MTHFS: variants seen among roughly 807,000 people sequenced by gnomAD.
MTHFS encodes the protein 5-formyltetrahydrofolate cyclo-ligase.
MTHFS carries 7 observed loss-of-function variants against 12.7 expected under a neutral mutation model. The observed-to-expected ratio is 0.55, with a 90% CI of 0.31 to 1.03. The LOEUF (loss-of-function observed/expected upper bound fraction) is 1.03. MTHFS is among the 50% of genes least tolerant of loss of function. MTHFS has a pLI of 0.05. For synonymous variants in MTHFS, 100 were observed against 97.1 expected (o/e 1.03, Z -0.18); for missense variants, 252 against 258.1 (o/e 0.98, Z 0.16).
chr15:79,853,723 C>G (rs534001454), intron 2 of MTHFS, among the ~76,000 whole-genome samples: 1 of 152,152 alleles, frequency 6.6e-6, no homozygotes, highest in African/African-American at 2.4e-5. Context: ...CAGAGCGGTC[C>G]GTAAGAAACT....
intron 2 of MTHFS, among the ~76,000 whole-genome samples, chr15:79,867,489 T>TA (rs1272636262): frequency 2.0e-4 from 7 of 34,242 alleles, no homozygotes; most frequent in Admixed American, 1.0e-3. Flanking sequence ...TAGATATTTT[T>TA]CTGTAATCCA....
At chr15:79,893,345 T>A (rs62028020) in intron 1 of MTHFS, among the ~76,000 whole-genome samples, 17,842 of 151,054 alleles carry the variant, frequency 0.12, 1,173 homozygotes, top group Middle Eastern at 0.18. Flanking sequence ...AAGGTTGCAG[T>A]GAGCCAAGAT....
intron 2 of MTHFS, among the ~76,000 whole-genome samples, chr15:79,855,270 T>C (rs1224835750): frequency 6.6e-6 from 1 of 152,224 alleles, no homozygotes; most frequent in African/African-American, 2.4e-5. Flanking sequence ...TTAAACTCTC[T>C]TTACTGCAGA....
chr15:79,889,040 G>C (rs2034427462), intron 2 of MTHFS, 53 bp downstream of exon 2: 2 of 1,595,458 alleles, frequency 1.3e-6, no homozygotes, highest in Non-Finnish European at 8.6e-7. Flanking sequence ...CCGTGGATCT[G>C]AGATCTAACA....
intron 2 of MTHFS, among the ~76,000 whole-genome samples, chr15:79,874,160 C>T (rs2034151085): frequency 6.6e-6 from 1 of 152,124 alleles, no homozygotes; most frequent in Non-Finnish European, 1.5e-5. Flanking sequence ...GAGTAGAAAA[C>T]TAAAAATCTG....
rs2033571967 is a variant in MTHFS, at chr15:79,844,373, A to C, written c.*837T>G. On this transcript the variant is annotated 3_prime_UTR_variant, in exon 3 of 3. Coordinates refer to ENST00000258874, the MANE Select transcript of MTHFS (RefSeq NM_006441.4). ...TAAGAGGCATTTCAGAGGCAAAATCAACAAGACCTGGTGACAGGATGGACA... is the reference window on the plus strand; with the variant it reads ...TAAGAGGCATTTCAGAGGCAAAATCCACAAGACCTGGTGACAGGATGGACA... 1 of 152,350 alleles carries C rather than the reference A, an allele frequency of 6.6e-6. No individual in the cohort carries two copies. The highest frequency in any genetic ancestry group is 2.4e-5 in the African/African-American group (1 of 41,424). 9.4% of individuals were successfully genotyped at this position (152,350 alleles called of 1,614,324 possible).
At chr15:79,852,270 C>T (rs112974763) in intron 2 of MTHFS, among the ~76,000 whole-genome samples, 1 of 152,304 alleles carries the variant, frequency 6.6e-6, no homozygotes, top group Non-Finnish European at 1.5e-5. Context: ...CTCCTTGAAT[C>T]ACTCTTCATA....
intron 2 of MTHFS, among the ~76,000 whole-genome samples, chr15:79,871,441 C>G (rs2034103422): frequency 1.3e-5 from 2 of 151,900 alleles, no homozygotes; most frequent in Non-Finnish European, 2.9e-5. Context: ...TAAAAGACTA[C>G]CAGTTGGGTA....
At chr15:79,877,578 G>A (rs756874516) in intron 2 of MTHFS, 2 of 152,054 alleles carry the variant, frequency 1.3e-5, no homozygotes, top group Admixed American at 6.6e-5. Context: ...GTGCACACCT[G>A]TAGTCCTAGC....
At chr15:79,895,988 A>C (rs1006019170) in intron 1 of MTHFS, among the ~76,000 whole-genome samples, 2 of 152,362 alleles carry the variant, frequency 1.3e-5, no homozygotes, top group East Asian at 1.9e-4. Flanking sequence ...ATGAGTCCCC[A>C]AAAACTCTTT....
At chr15:79,847,016 G>C (rs1253503487) in intron 2 of MTHFS, among the ~76,000 whole-genome samples, 2 of 152,170 alleles carry the variant, frequency 1.3e-5, no homozygotes, top group Non-Finnish European at 2.9e-5. Context: ...CCATTCCAAT[G>C]CACGGCAGCA....
chr15:79,850,487 A>G (rs2033695953), intron 2 of MTHFS, among the ~76,000 whole-genome samples: 1 of 152,224 alleles, frequency 6.6e-6, no homozygotes, highest in Non-Finnish European at 1.5e-5. Context: ...AAGCAGCCAA[A>G]GACAAATGTA....
intron 2 of MTHFS, among the ~76,000 whole-genome samples, chr15:79,855,862 A>C (rs953597573): frequency 1.3e-4 from 20 of 152,072 alleles, no homozygotes; most frequent in African/African-American, 4.1e-4. Context: ...CTTTTTTATA[A>C]CTGCATAATA....
chr15:79,868,195 G>A (rs190043390), intron 2 of MTHFS, among the ~76,000 whole-genome samples: 2 of 152,280 alleles, frequency 1.3e-5, no homozygotes, highest in East Asian at 3.9e-4. Context: ...AAGCAGATTA[G>A]GGAGAAGCAC....
chr15:79,849,734 T>C (rs1206691673), intron 2 of MTHFS, among the ~76,000 whole-genome samples: 1 of 152,274 alleles, frequency 6.6e-6, no homozygotes, highest in African/African-American at 2.4e-5. Flanking sequence ...CTGTGTGCAC[T>C]TGCTTCACAT....
intron 1 of MTHFS, among the ~76,000 whole-genome samples, chr15:79,894,491 C>T (rs757082510): frequency 2.6e-5 from 4 of 152,146 alleles, no homozygotes; most frequent in Non-Finnish European, 4.4e-5. Context: ...TACTGAGGGT[C>T]ATGGGTCTGC....
chr15:79,859,480 T>C (rs889103225), intron 2 of MTHFS, among the ~76,000 whole-genome samples: 1 of 152,180 alleles, frequency 6.6e-6, no homozygotes, highest in Non-Finnish European at 1.5e-5. Context: ...AAGGGTAGAT[T>C]ACTCATTAAA....
intron 2 of MTHFS, among the ~76,000 whole-genome samples, chr15:79,885,916 A>G (rs550717706): frequency 7.9e-5 from 12 of 152,368 alleles, no homozygotes; most frequent in African/African-American, 2.9e-4. Context: ...CTCTGGGCCA[A>G]TAAAATCTCA....
At chr15:79,858,996 C>T (rs1177297064) in intron 2 of MTHFS, among the ~76,000 whole-genome samples, 1 of 152,132 alleles carries the variant, frequency 6.6e-6, no homozygotes, top group African/African-American at 2.4e-5. Context: ...ATCCGGAATA[C>T]ACTTAACAAT....
Sources: allele counts gnomAD v4.1 joint callset (sites outside exome capture counted in the v4.1 genomes callset), GRCh38; gene constraint gnomAD v4.1.1; transcripts MANE v1.5; gene names NCBI Gene and HGNC (gene_info 2026-07-23, HGNC 2026-07-21).